Variants in ITGA9 observed in about 807,000 individuals in gnomAD.
The protein encoded by ITGA9 is integrin alpha-9.
In ITGA9, 56 loss-of-function variants were observed where a neutral mutation model predicts 127.8. The observed-to-expected ratio is 0.44, with a 90% CI of 0.35 to 0.55. The LOEUF is 0.55. ITGA9 is among the 20% of genes least tolerant of loss of function. The pLI is 0.00. For missense variants in ITGA9, 1,196 were observed against 1,347.1 expected (o/e 0.89, Z 1.76); for synonymous variants, 508 against 514.5 (o/e 0.99, Z 0.17).
chr3:37,517,616 G>A lies in ITGA9; in HGVS notation c.1141+7G>A, dbSNP rs1303048188. ...GACAATGATGGGTTCCCAGGTGAGTGAGTGCTCCTGGTGCACGGAGCCCCT... is the reference window on the plus strand; with the variant it reads ...GACAATGATGGGTTCCCAGGTGAGTAAGTGCTCCTGGTGCACGGAGCCCCT... On this transcript the variant is annotated splice_region_variant and intron_variant, in intron 10 of 27. Coordinates refer to ENST00000264741, the MANE Select transcript of ITGA9 (RefSeq NM_002207.3). 22 of 1,557,366 alleles carry A rather than the reference G, an allele frequency of 1.4e-5. No homozygotes were observed. Among genetic ancestry groups the A allele is most frequent in the Non-Finnish European group, 1.7e-5 (20 of 1,145,744 alleles).
At chr3:37,534,954 C>T (rs1699194323) in intron 14 of ITGA9, among the ~76,000 whole-genome samples, 2 of 152,198 alleles carry the variant, frequency 1.3e-5, no homozygotes, top group Admixed American at 6.5e-5. Flanking sequence ...CTCGTGTGTC[C>T]TCCACATAAT....
rs528378194 is a variant in ITGA9, at chr3:37,702,283, G to A, written c.2067+18268G>A. Among the ~76,000 whole-genome samples, 20 of 152,290 alleles carry A rather than the reference G, an allele frequency of 1.3e-4. No individual in the cohort carries two copies. In the South Asian group the frequency reaches 4.1e-3, roughly 32 times the overall value. On this transcript the variant is annotated intron_variant, in intron 18 of 27. Coordinates refer to ENST00000264741, the MANE Select transcript of ITGA9 (RefSeq NM_002207.3). Reference sequence around the variant, plus strand: ...GGTGCAGCCAGGAAATATCATAGCTGGGATTTGAGCCCAGCTTGTCTGGAC... The same window carrying A: ...GGTGCAGCCAGGAAATATCATAGCTAGGATTTGAGCCCAGCTTGTCTGGAC...
At chr3:37,484,295 G>A (rs954047710) in intron 4 of ITGA9, among the ~76,000 whole-genome samples, 5 of 152,208 alleles carry the variant, frequency 3.3e-5, no homozygotes, top group African/African-American at 1.2e-4. Context: ...TGTAAGAGGA[G>A]AGGGGTAGAA....
chr3:37,718,747 G>A (rs895527999), intron 18 of ITGA9, among the ~76,000 whole-genome samples: 3 of 152,164 alleles, frequency 2.0e-5, no homozygotes, highest in Non-Finnish European at 4.4e-5. Context: ...AACCACCTGG[G>A]GAGCTTTCAG....
intron 4 of ITGA9, 122 bp downstream of exon 4, chr3:37,481,729 G>A (rs1698558006): frequency 1.3e-5 from 17 of 1,320,170 alleles, no homozygotes; most frequent in Middle Eastern, 4.8e-4. Context: ...TGATAGGGCA[G>A]CACTGTTTGC....
chr3:37,813,009 C>T (rs1277744804), intron 27 of ITGA9, among the ~76,000 whole-genome samples: 5 of 152,180 alleles, frequency 3.3e-5, no homozygotes, highest in African/African-American at 9.7e-5. Flanking sequence ...CTCACATGAG[C>T]GGGTGTGTAT....
Position 37,505,983 on chromosome 3 carries a change from C to T in ITGA9, c.743-17C>T. 1 of 1,577,304 alleles carries T rather than the reference C, an allele frequency of 6.3e-7. No individual in the cohort carries two copies. On this transcript the variant is annotated splice_polypyrimidine_tract_variant and intron_variant, in intron 6 of 27. Transcript: ENST00000264741. The stretch of plus-strand genomic sequence containing the variant: ...TCTTTTTCAACCGTGTGCTTGGTTT[C>T]CGCCCATCCTGTTCAGGCTACGCAG...
chr3:37,626,521 TA>T (rs1286879668), intron 15 of ITGA9, among the ~76,000 whole-genome samples: 1 of 151,940 alleles, frequency 6.6e-6, no homozygotes, highest in Non-Finnish European at 1.5e-5. Context: ...ATAAAAGAAA[TA>T]AAAGAATGAA....
chr3:37,776,740 C>T (rs1696912916), intron 23 of ITGA9, among the ~76,000 whole-genome samples: 4 of 152,226 alleles, frequency 2.6e-5, no homozygotes, highest in Non-Finnish European at 5.9e-5. Flanking sequence ...AAAATCAAAT[C>T]ACTCACCAAG....
At chr3:37,669,921 A>G (rs1700621420) in intron 17 of ITGA9, among the ~76,000 whole-genome samples, 1 of 152,188 alleles carries the variant, frequency 6.6e-6, no homozygotes, top group Non-Finnish European at 1.5e-5. Flanking sequence ...AACTGAAGAC[A>G]GGTACAGTCC....
At chr3:37,627,939 T>G (rs775409522) in intron 15 of ITGA9, among the ~76,000 whole-genome samples, 2 of 152,164 alleles carry the variant, frequency 1.3e-5, no homozygotes, top group Admixed American at 6.5e-5. Context: ...CACATCTGCC[T>G]CTGGGGAAGG....
intron 26 of ITGA9, among the ~76,000 whole-genome samples, chr3:37,793,952 TCAAGAGAGGGGACC>T (rs914199588): frequency 2.0e-5 from 3 of 152,072 alleles, no homozygotes; most frequent in Non-Finnish European, 2.9e-5. Context: ...GCAGGCCAAA[TCAAGAGAGGGGACC>T]CAAAAGGATC....
At chr3:37,590,856 C>T (rs1218030167) in intron 15 of ITGA9, among the ~76,000 whole-genome samples, 2 of 152,198 alleles carry the variant, frequency 1.3e-5, no homozygotes, top group African/African-American at 2.4e-5. Context: ...CTGTCCCACC[C>T]CTACTCCACA....
intron 25 of ITGA9, 108 bp downstream of exon 25, chr3:37,780,129 C>T: frequency 1.5e-6 from 2 of 1,358,766 alleles, no homozygotes; most frequent in Admixed American, 3.4e-5. Flanking sequence ...AATTGGTGTC[C>T]TCATGACAAT....
chr3:37,768,575 CAG>C (rs774125936), intron 23 of ITGA9, among the ~76,000 whole-genome samples: 7 of 152,082 alleles, frequency 4.6e-5, no homozygotes, highest in Non-Finnish European at 7.4e-5. Flanking sequence ...GGCGATAAGT[CAG>C]GGGGTGGGTC....
chr3:37,761,933 C>T (rs184307139), intron 23 of ITGA9, among the ~76,000 whole-genome samples: 221 of 152,334 alleles, frequency 1.5e-3, no homozygotes, highest in Middle Eastern at 6.8e-3. Flanking sequence ...TCTGAGAATT[C>T]GCAGCCCCTC....
Position 37,750,494 on chromosome 3 carries a change from G to A in ITGA9, c.2466G>A (p.Gly822=), listed in dbSNP as rs145672650. The change falls in exon 23 of 28, where the codon GGG becomes GGA. Residue 822 remains glycine (G), a synonymous_variant. Coordinates refer to ENST00000264741, the MANE Select transcript of ITGA9 (RefSeq NM_002207.3). ...VYNTGPSTLP[G]SSVSISFPNR... is the part of the protein sequence containing the mutation. ...ACACTGGCCCAAGCACCCTTCCAGGGTCATCTGTCAGCATCTCTTTCCCTA... is the reference window on the plus strand; with the variant it reads ...ACACTGGCCCAAGCACCCTTCCAGGATCATCTGTCAGCATCTCTTTCCCTA... The A allele has an allele frequency of 3.1e-6, 5 of 1,613,424 alleles. No individual in the cohort carries two copies. The African/African-American group carries it at 6.7e-5, about 22-fold the overall frequency.
chr3:37,713,727 G>T (rs1420025126), intron 18 of ITGA9, among the ~76,000 whole-genome samples: 6 of 152,176 alleles, frequency 3.9e-5, no homozygotes. Context: ...GGAGCTGCTG[G>T]TGGGGACTCA....
At chr3:37,720,861 G>A (rs963252538) in intron 18 of ITGA9, among the ~76,000 whole-genome samples, 5 of 152,088 alleles carry the variant, frequency 3.3e-5, no homozygotes, top group Non-Finnish European at 5.9e-5. Flanking sequence ...CACTACAGAG[G>A]GACACGTTAG....
Sources: gnomAD v4.1 joint callset for allele counts (sites outside exome capture counted in the v4.1 genomes callset) on GRCh38, gnomAD v4.1.1 for gene constraint, MANE v1.5 for transcripts, NCBI Gene and HGNC (gene_info 2026-07-23, HGNC 2026-07-21) for gene names.